LPIN2: variants seen among roughly 807,000 people sequenced by gnomAD.
LPIN2 encodes the protein phosphatidate phosphatase LPIN2.
Under a neutral mutation model 111.4 loss-of-function variants are expected in LPIN2, and 55 were observed. The observed-to-expected ratio is 0.49, with a 90% CI of 0.40 to 0.62. The LOEUF (loss-of-function observed/expected upper bound fraction) is 0.62, where lower values mean the gene tolerates loss of function less well. LPIN2 is among the 20% of genes least tolerant of loss of function. The probability of loss-of-function intolerance (pLI) is 0.00; values close to 1 mark genes in which losing one functional copy is unlikely to be tolerated. For synonymous variants in LPIN2, 425 were observed against 414.0 expected (o/e 1.03, Z -0.32); for missense variants, 992 against 1,112.1 (o/e 0.89, Z 1.54).
chr18:2,999,609 G>GAAAA (rs11370947), intron 1 of LPIN2, among the ~76,000 whole-genome samples: 1 of 143,336 alleles, frequency 7.0e-6, no homozygotes, highest in Non-Finnish European at 1.5e-5. Flanking sequence ...GTCTCAAAAA[G>GAAAA]AAAAAAAAAA....
intron 1 of LPIN2, among the ~76,000 whole-genome samples, chr18:2,983,191 T>C (rs769186802): frequency 6.6e-6 from 1 of 152,204 alleles, no homozygotes; most frequent in Non-Finnish European, 1.5e-5. Flanking sequence ...GCTAATCATG[T>C]AAGGGAAGTA....
chr18:2,927,015 G>T (rs914695627), intron 12 of LPIN2, among the ~76,000 whole-genome samples: 1 of 152,200 alleles, frequency 6.6e-6, no homozygotes, highest in African/African-American at 2.4e-5. Flanking sequence ...TGTCCCTACA[G>T]ACCCAGAAGG....
chr18:2,927,836 T>C (rs1178038573), intron 11 of LPIN2, 25 bp from the exon 12 acceptor site: 3 of 1,600,596 alleles, frequency 1.9e-6, no homozygotes, highest in Non-Finnish European at 1.7e-6. Context: ...CCTGGGTTAG[T>C]CTGGGCAATC....
At chr18:2,987,912 G>A (rs1044209856) in intron 1 of LPIN2, among the ~76,000 whole-genome samples, 3 of 147,260 alleles carry the variant, frequency 2.0e-5, no homozygotes, top group African/African-American at 2.6e-5. Flanking sequence ...GGTGGCTCAC[G>A]CCTGTAATCC....
chr18:2,966,744 T>C (rs543264120), intron 1 of LPIN2, among the ~76,000 whole-genome samples: 1 of 152,144 alleles, frequency 6.6e-6, no homozygotes, highest in African/African-American at 2.4e-5. Flanking sequence ...CCTCCAAGTC[T>C]CCTCACACCA....
intron 1 of LPIN2, among the ~76,000 whole-genome samples, chr18:2,988,381 T>C (rs970168830): frequency 9.2e-5 from 14 of 152,248 alleles, no homozygotes; most frequent in Admixed American, 3.9e-4. Context: ...TTAAGTGTTA[T>C]GAAGAATTTT....
chr18:2,932,242 A>C (rs1008332503), intron 8 of LPIN2, among the ~76,000 whole-genome samples: 4 of 152,178 alleles, frequency 2.6e-5, no homozygotes, highest in African/African-American at 9.7e-5. Context: ...ATAGGTATTT[A>C]ATGTCACATT....
At chr18:2,969,714 C>T (rs145434422) in intron 1 of LPIN2, among the ~76,000 whole-genome samples, 5 of 152,264 alleles carry the variant, frequency 3.3e-5, no homozygotes, top group East Asian at 1.9e-4. Context: ...AACAAATACA[C>T]GCTCATGAAC....
chr18:2,941,832 G>A (rs754428664), intron 4 of LPIN2, among the ~76,000 whole-genome samples: 1 of 152,172 alleles, frequency 6.6e-6, no homozygotes, highest in Non-Finnish European at 1.5e-5. Context: ...GGCTAAGGCA[G>A]AGAACTGCTT....
rs529873371 is a variant in LPIN2 at position 2,937,576 on chromosome 18, G to A, written c.1168+116C>T. On this transcript the variant is annotated intron_variant, in intron 7 of 19. Transcript: ENST00000677752. The stretch of plus-strand genomic sequence containing the variant: ...AAAAAAAAAAAAAAAAAAAAAGTGC[G>A]ACGGGTTTCGACTGGTGAATACAAA... The A allele has an allele frequency of 7.5e-5, 45 of 596,390 alleles. 1 individual carries two copies. Among genetic ancestry groups the A allele is most frequent in the South Asian group, 4.8e-4 (27 of 56,582 alleles). The allele number at this position is 596,390 out of a possible 1,614,324, so 36.9% of individuals were successfully genotyped here.
intron 4 of LPIN2, chr18:2,948,379 A>G (rs1340424132): frequency 6.6e-6 from 1 of 152,220 alleles, no homozygotes; most frequent in African/African-American, 2.4e-5. Context: ...CTTTCACACC[A>G]TCAGGAAAAA....
At chr18:2,971,016 C>T (rs1233942038) in intron 1 of LPIN2, among the ~76,000 whole-genome samples, 3 of 152,188 alleles carry the variant, frequency 2.0e-5, no homozygotes, top group South Asian at 2.1e-4. Context: ...ACCCTCTCTC[C>T]GAGTGGCGGC....
Position 2,918,946 on chromosome 18 carries a change from C to T in LPIN2, c.*1347G>A, listed in dbSNP as rs2077008808. On this transcript the variant is annotated 3_prime_UTR_variant, in exon 20 of 20. Coordinates refer to ENST00000677752, the MANE Select transcript of LPIN2 (RefSeq NM_001375808.2). ...CTCAGGAACCACCACGTCCTGTGTT[C>T]TCGCCAATGGAGACCAAGACCTGGG... 1 of 152,212 alleles carries T rather than the reference C, an allele frequency of 6.6e-6. No individual in the cohort carries two copies. Among genetic ancestry groups the T allele is most frequent in the East Asian group, 1.9e-4 (1 of 5,202 alleles). The allele number at this position is 152,212 out of a possible 1,614,324, so 9.4% of individuals were successfully genotyped here.
chr18:2,958,136 C>A (rs1412746424), intron 2 of LPIN2, among the ~76,000 whole-genome samples: 1 of 30,148 alleles, frequency 3.3e-5, no homozygotes. Context: ...AGCGAGACTC[C>A]ATCTCAAAAA....
In LPIN2 at chr18:3,000,118, A is replaced by AGG. The variant is rs2078412341; in HGVS notation, c.-10+12968_-10+12969insCC. Among the ~76,000 whole-genome samples the AGG allele has an allele frequency of 3.1e-4, 45 of 144,288 alleles. No homozygotes were observed. The East Asian group carries it at 4.1e-3, about 13-fold the overall frequency. 94.7% of individuals were successfully genotyped at this position (144,288 alleles called of 152,430 possible). A position where few individuals can be genotyped will look rare whatever the true frequency, so the allele number is the denominator to read the frequency against. On this transcript the variant is annotated intron_variant, in intron 1 of 19. Coordinates refer to ENST00000677752, the MANE Select transcript of LPIN2 (RefSeq NM_001375808.2). Reference sequence around the variant, plus strand: ...GGGGAAAGAGGGGAAGGAGGGGAAGAAGGAGGAGGAGGAGGAGGAGGAGAA... The same window carrying AGG: ...GGGGAAAGAGGGGAAGGAGGGGAAGAGGAGGAGGAGGAGGAGGAGGAGGAGAA...
intron 6 of LPIN2, among the ~76,000 whole-genome samples, chr18:2,938,547 G>T (rs1049940531): frequency 2.0e-5 from 3 of 152,042 alleles, no homozygotes; most frequent in African/African-American, 7.2e-5. Flanking sequence ...TACGTTAAAT[G>T]TTCTACTGTG....
At chr18:2,945,762 C>G in intron 4 of LPIN2, 1 of 1,199,686 alleles carries the variant, frequency 8.3e-7, no homozygotes, top group Non-Finnish European at 1.2e-6. Context: ...TAACAATGTG[C>G]TATTTGCTTC....
intron 2 of LPIN2, among the ~76,000 whole-genome samples, chr18:2,956,163 C>T (rs552702436): frequency 1.3e-5 from 2 of 152,216 alleles, no homozygotes; most frequent in South Asian, 2.1e-4. Flanking sequence ...GATTGAGTAA[C>T]TAAGCAGATA....
rs1317622172 is a variant in LPIN2, at chr18:2,931,296, G to A, written c.1416C>T (p.Ser472=). ...CATTTTCACTGAGGCCCCCGCAAAG[G>A]GAGAGGGTAACGTCAGGCAAGTCCA... ...SAMDLPDVTL[S]LCGGLSENGE... is the part of the protein sequence containing the mutation. Residue 472 remains serine (S), a synonymous_variant, in exon 9 of 20, where the codon TCC becomes TCT. Coordinates refer to ENST00000677752, the MANE Select transcript of LPIN2 (RefSeq NM_001375808.2). 2 of 1,614,086 alleles carry A rather than the reference G, an allele frequency of 1.2e-6. No homozygotes were observed. Among genetic ancestry groups the A allele is most frequent in the Non-Finnish European group, 1.7e-6 (2 of 1,180,044 alleles).
Sources: gnomAD v4.1 joint callset for allele counts (sites outside exome capture counted in the v4.1 genomes callset) on GRCh38, gnomAD v4.1.1 for gene constraint, MANE v1.5 for transcripts, NCBI Gene and HGNC (gene_info 2026-07-23, HGNC 2026-07-21) for gene names.